Variants in L3MBTL3 observed in about 807,000 individuals in gnomAD.
The protein encoded by L3MBTL3 is lethal(3)malignant brain tumor-like protein 3.
In L3MBTL3, 27 loss-of-function variants were observed where a neutral mutation model predicts 102.3. The observed-to-expected ratio is 0.26, with a 90% CI of 0.19 to 0.36. The LOEUF is 0.36. Among genes scored for constraint, L3MBTL3 ranks in the 10% least tolerant of loss-of-function variants. The probability of loss-of-function intolerance (pLI) is 1.00; values close to 1 mark genes in which losing one functional copy is unlikely to be tolerated. For synonymous variants in L3MBTL3, 340 were observed against 320.9 expected (o/e 1.06, Z -0.64); for missense variants, 798 against 955.3 (o/e 0.84, Z 2.17).
intron 15 of L3MBTL3, 89 bp from the exon 16 acceptor site, chr6:130,086,051 C>T: frequency 1.1e-6 from 1 of 920,422 alleles, no homozygotes; most frequent in Non-Finnish European, 1.8e-6. Flanking sequence ...CCGCGCCTGG[C>T]CAGCTTTTTC....
At chr6:130,066,330 TC>T (rs752868308) in intron 10 of L3MBTL3, 22 bp from the exon 11 acceptor site, 1 of 1,401,486 alleles carries the variant, frequency 7.1e-7, no homozygotes, top group Non-Finnish European at 9.6e-7. Flanking sequence ...AAAAAATAAT[TC>T]AACCTATTTT....
chr6:130,046,577 A>T (rs1457389404), intron 3 of L3MBTL3, among the ~76,000 whole-genome samples: 1 of 152,198 alleles, frequency 6.6e-6, no homozygotes, highest in Non-Finnish European at 1.5e-5. Context: ...TTCAGGCATA[A>T]TTTTTTTCTG....
rs546290575 is a variant in L3MBTL3, at chr6:130,056,744, C to A, written c.668-662C>A. Among the ~76,000 whole-genome samples, 84 of 152,194 alleles carry A rather than the reference C, an allele frequency of 5.5e-4. No individual in the cohort carries two copies. The South Asian group carries it at 0.014, about 26-fold the overall frequency. On this transcript the variant is annotated intron_variant, in intron 8 of 22. Coordinates refer to ENST00000361794, the MANE Select transcript of L3MBTL3 (RefSeq NM_032438.4). ...CCCCTGGCTCTTCTGGGACCTTGTT[C>A]CTTCAGTCACATTTTTTCCTTAAGT...
chr6:130,066,763 CTAT>C (rs1782288729), intron 11 of L3MBTL3, among the ~76,000 whole-genome samples: 2 of 152,018 alleles, frequency 1.3e-5, no homozygotes, highest in Admixed American at 6.5e-5. Context: ...CTGCAAATTT[CTAT>C]TATTAAATAC....
intron 14 of L3MBTL3, among the ~76,000 whole-genome samples, chr6:130,082,185 C>T (rs1378971016): frequency 6.6e-6 from 1 of 152,118 alleles, no homozygotes; most frequent in African/African-American, 2.4e-5. Context: ...TATTTTTTCT[C>T]TGTAACTAAT....
chr6:130,134,559 G>C (rs1330730231), intron 22 of L3MBTL3, among the ~76,000 whole-genome samples: 1 of 152,188 alleles, frequency 6.6e-6, no homozygotes, highest in Non-Finnish European at 1.5e-5. Context: ...TTCTGTAAGC[G>C]TACAGCAGGA....
chr6:130,048,967 C>CACAT (rs1554223370), intron 3 of L3MBTL3, among the ~76,000 whole-genome samples: 17 of 150,448 alleles, frequency 1.1e-4, no homozygotes, highest in East Asian at 7.9e-4. Flanking sequence ...CACACACACA[C>CACAT]ACATACACAC....
At chr6:130,115,363 A>C (rs1426705707) in intron 19 of L3MBTL3, among the ~76,000 whole-genome samples, 6 of 152,244 alleles carry the variant, frequency 3.9e-5, no homozygotes, top group African/African-American at 1.4e-4. Flanking sequence ...ATTTCAATCT[A>C]CATGGCAATC....
chr6:130,098,429 T>G (rs915853588), intron 18 of L3MBTL3, among the ~76,000 whole-genome samples: 3 of 152,182 alleles, frequency 2.0e-5, no homozygotes, highest in Non-Finnish European at 4.4e-5. Flanking sequence ...GGAGTGGCGC[T>G]CAGAGAGAAG....
rs566393323 is a variant in L3MBTL3, at chr6:130,089,065, T to TTTA, written c.1518+2832_1518+2834dup. Among the ~76,000 whole-genome samples the TTTA allele has an allele frequency of 1.5e-3, 223 of 151,740 alleles. 1 individual carries two copies. The highest frequency in any genetic ancestry group is 9.8e-3 in the South Asian group (47 of 4,800). On this transcript the variant is annotated intron_variant, in intron 16 of 22. Transcript: ENST00000361794. ...AGTATATTTTTCAGTACTCTATCTT[T>TTTA]TTATTATTATTATTATTATACTTTA...
chr6:130,056,825 C>G (rs1584339038), intron 8 of L3MBTL3, among the ~76,000 whole-genome samples: 1 of 152,164 alleles, frequency 6.6e-6, no homozygotes, highest in Non-Finnish European at 1.5e-5. Flanking sequence ...CCAGTCTCAT[C>G]CCCAAAGTAC....
chr6:130,136,027 T>G (rs1398753915), intron 22 of L3MBTL3, among the ~76,000 whole-genome samples: 1 of 152,190 alleles, frequency 6.6e-6, no homozygotes, highest in Admixed American at 6.5e-5. Flanking sequence ...ACATGCCACA[T>G]CTCATCTGTT....
intron 22 of L3MBTL3, chr6:130,137,942 T>C (rs1285447603): frequency 6.6e-6 from 1 of 152,240 alleles, no homozygotes; most frequent in African/African-American, 2.4e-5. Context: ...ACATTTCTCA[T>C]ACCTGCCGCT....
chr6:130,025,733 C>T (rs1202538778), intron 2 of L3MBTL3, among the ~76,000 whole-genome samples: 1 of 152,136 alleles, frequency 6.6e-6, no homozygotes, highest in Non-Finnish European at 1.5e-5. Context: ...AAAATGCCTT[C>T]TGCATTATTA....
At chr6:130,037,166 T>C (rs1780115735) in intron 2 of L3MBTL3, among the ~76,000 whole-genome samples, 2 of 152,210 alleles carry the variant, frequency 1.3e-5, no homozygotes, top group African/African-American at 4.8e-5. Context: ...ACACTTAGTA[T>C]CTGGTGAACA....
At chr6:130,060,472 GT>G (rs906057840) in intron 10 of L3MBTL3, among the ~76,000 whole-genome samples, 14 of 147,064 alleles carry the variant, frequency 9.5e-5, no homozygotes, top group Admixed American at 3.4e-4. Flanking sequence ...TGTGTGTGTT[GT>G]TTTTTTTTTA....
intron 7 of L3MBTL3, among the ~76,000 whole-genome samples, chr6:130,053,336 C>T (rs1781224501): frequency 6.6e-6 from 1 of 152,070 alleles, no homozygotes; most frequent in African/African-American, 2.4e-5. Context: ...AGACAGATCT[C>T]ATAAAACTAT....
chr6:130,109,342 A>G (rs930983740), intron 19 of L3MBTL3, among the ~76,000 whole-genome samples: 1 of 152,066 alleles, frequency 6.6e-6, no homozygotes, highest in African/African-American at 2.4e-5. Flanking sequence ...AAGTGTTCCT[A>G]TTTCTCCACA....
chr6:130,039,448 A>G (rs2114660390), intron 2 of L3MBTL3, among the ~76,000 whole-genome samples: 1 of 152,164 alleles, frequency 6.6e-6, no homozygotes, highest in Admixed American at 6.5e-5. Flanking sequence ...TGATTGGTTG[A>G]TATGTTTCTT....
Sources: gnomAD v4.1 joint callset for allele counts (sites outside exome capture counted in the v4.1 genomes callset) on GRCh38, gnomAD v4.1.1 for gene constraint, MANE v1.5 for transcripts, NCBI Gene and HGNC (gene_info 2026-07-23, HGNC 2026-07-21) for gene names.